The following OGDHL variants were observed in gnomAD, a reference collection of about 807,000 sequenced individuals.
OGDHL encodes oxoglutarate dehydrogenase L.
Under a neutral mutation model 109.6 loss-of-function variants are expected in OGDHL, and 79 were observed. The ratio of observed to expected loss-of-function variants is 0.72; its 90% confidence interval spans 0.60 to 0.87. The LOEUF is 0.87. Ranked by LOEUF, OGDHL falls within the 40% of genes least tolerant of loss-of-function variation. OGDHL has a pLI of 0.00. For missense variants in OGDHL, 1,275 were observed against 1,362.2 expected (o/e 0.94, Z 1.01); for synonymous variants, 528 against 537.2 (o/e 0.98, Z 0.24).
rs568494787 is a variant in OGDHL at position 49,738,557 on chromosome 10, C to T, written c.2320-295G>A. The T allele has an allele frequency of 5.1e-4, 235 of 460,248 alleles. 1 individual carries two copies. The highest frequency in any genetic ancestry group is 6.8e-5 in the Non-Finnish European group (17 of 249,710). 28.5% of individuals were successfully genotyped at this position (460,248 alleles called of 1,614,324 possible). Reference sequence around the variant, plus strand: ...TGGAATGTCCTGGAACAGTGGCTGCCACTGACTGAGCACCTGCTGTACAGG... The same window carrying T: ...TGGAATGTCCTGGAACAGTGGCTGCTACTGACTGAGCACCTGCTGTACAGG... On this transcript the variant is annotated intron_variant, in intron 17 of 22. Coordinates refer to ENST00000374103, the MANE Select transcript of OGDHL (RefSeq NM_018245.3).
Position 49,749,931 on chromosome 10 carries a change from C to G in OGDHL, c.897-115G>C, listed in dbSNP as rs1022168206. ...ACAGCCCCTTCGTGCCCAGAGCCCT[C>G]CTCAGGCCACCCAATCACCAGGCAC... On this transcript the variant is annotated intron_variant, in intron 7 of 22. Coordinates refer to ENST00000374103, the MANE Select transcript of OGDHL (RefSeq NM_018245.3). The G allele has an allele frequency of 3.3e-5, 26 of 789,932 alleles. No individual in the cohort carries two copies. The Admixed American group carries it at 5.2e-4, about 16-fold the overall frequency. The allele number at this position is 789,932 out of a possible 1,614,324, so 48.9% of individuals were successfully genotyped here.
chr10:49,758,239 C>A (rs1391118366), intron 2 of OGDHL, 150 bp downstream of exon 2: 16 of 755,858 alleles, frequency 2.1e-5, no homozygotes, highest in Non-Finnish European at 3.4e-5. Context: ...GGGAAAGCAA[C>A]AGGCTTTGAT....
intron 15 of OGDHL, among the ~76,000 whole-genome samples, 170 bp from the exon 16 acceptor site, chr10:49,741,007 T>C (rs1328922593): frequency 6.6e-6 from 1 of 152,130 alleles, no homozygotes; most frequent in Non-Finnish European, 1.5e-5. Context: ...ACCAGAGCCA[T>C]GTGGTCCCTC....
In OGDHL at chr10:49,758,565, G is replaced by A. The variant is rs758295004; in HGVS notation, c.28C>T (p.Arg10Cys). MSQLRLLPS[R>C]LGVQAARLLA... ...AGCCTCGCAGCCTGTACCCCAAGAC[G>A]GGACGGCAGCAGCCTCAGCTGACTC... Residue 10 changes from arginine (R) to cysteine (C), a missense_variant, in exon 2 of 23, where the codon CGT (arginine) becomes TGT (cysteine). Arg to Cys is a radical substitution (Grantham distance 180, BLOSUM62 -3). Coordinates refer to ENST00000374103, the MANE Select transcript of OGDHL (RefSeq NM_018245.3). 29 of 1,613,802 alleles carry A rather than the reference G, an allele frequency of 1.8e-5. No homozygotes were observed. The highest frequency in any genetic ancestry group is 2.2e-5 in the East Asian group (1 of 44,894).
intron 17 of OGDHL, 61 bp from the exon 18 acceptor site, chr10:49,738,323 G>A (rs1213561636): frequency 6.3e-7 from 1 of 1,577,644 alleles, no homozygotes; most frequent in Non-Finnish European, 8.7e-7. Context: ...ATCTGGCCCT[G>A]CAGGGACCCC....
chr10:49,761,633 C>T (rs1040766124), intron 1 of OGDHL, among the ~76,000 whole-genome samples: 9 of 152,204 alleles, frequency 5.9e-5, no homozygotes, highest in Non-Finnish European at 1.0e-4. Context: ...CAAAGGGTCT[C>T]TCCGGTTCGG....
chr10:49,741,938 A>G (rs375364838), intron 15 of OGDHL, among the ~76,000 whole-genome samples: 8,193 of 140,904 alleles, frequency 0.058, 363 homozygotes, highest in Admixed American at 0.14. Flanking sequence ...CACACCACAA[A>G]CACAATCACA....
intron 3 of OGDHL, among the ~76,000 whole-genome samples, chr10:49,753,954 TCAAA>T (rs1395387946): frequency 1.4e-5 from 2 of 142,798 alleles, no homozygotes; most frequent in Non-Finnish European, 3.1e-5. Context: ...CTCTGGGAAA[TCAAA>T]CAAGCCATTG....
rs544942816 is a variant in OGDHL, at chr10:49,739,744, C to T, written c.2236G>A (p.Asp746Asn). 26 of 1,614,094 alleles carry T rather than the reference C, an allele frequency of 1.6e-5. No individual in the cohort carries two copies. The East Asian group carries it at 2.7e-4, about 17-fold the overall frequency. ...DFHNTAQCII[D>N]QFISTGQAKW... ...GCCTGGCCGGTGCTGATGAACTGGT[C>T]GATGATGCACTGGGCCGTGTTGTGG... The change falls in exon 17 of 23, where the codon GAC becomes AAC. Residue 746 changes from aspartate to asparagine, a missense_variant. By Grantham distance (23) the Asp-to-Asn change is conservative (BLOSUM62 1). Transcript: ENST00000374103.
At chr10:49,758,714 G>T in intron 1 of OGDHL, 121 bp from the exon 2 acceptor site, 1 of 991,128 alleles carries the variant, frequency 1.0e-6, no homozygotes, top group Non-Finnish European at 1.5e-6. Context: ...TGCTGGGCTA[G>T]GCAGTGATGA....
intron 16 of OGDHL, 93 bp downstream of exon 16, chr10:49,740,617 C>A: frequency 1.4e-6 from 2 of 1,465,188 alleles, no homozygotes; most frequent in Non-Finnish European, 1.8e-6. Context: ...CATCTCTCGC[C>A]CCTCCCAGGC....
Position 49,747,033 on chromosome 10 carries a change from T to C in OGDHL, c.1163A>G (p.Lys388Arg). 2 of 1,613,900 alleles carry C rather than the reference T, an allele frequency of 1.2e-6. No individual in the cohort carries two copies. Among genetic ancestry groups the C allele is most frequent in the Non-Finnish European group, 1.7e-6 (2 of 1,179,798 alleles). Residue 388 changes from lysine to arginine, a missense_variant, in exon 9 of 23, where the codon AAG (lysine) becomes AGG (arginine). Coordinates refer to ENST00000374103, the MANE Select transcript of OGDHL (RefSeq NM_018245.3). The stretch of plus-strand genomic sequence containing the variant: ...GGTTCCCCCAGGTGAGCTCACCTTC[T>C]TGCCCTGGGCATCTCCACGGTAGAA... ...EQFYRGDAQG[K>R]KVMSILVHGD... is the part of the protein sequence containing the mutation.
Position 49,762,289 on chromosome 10 carries a change from C to G in OGDHL, c.-52G>C, listed in dbSNP as rs983961495. 6.6e-6 allele frequency: 1 copy of G among 152,098 alleles called. No homozygotes were observed. The highest frequency in any genetic ancestry group is 1.5e-5 in the Non-Finnish European group (1 of 67,994). The allele number at this position is 152,098 out of a possible 1,614,324, so 9.4% of individuals were successfully genotyped here. A position where few individuals can be genotyped will look rare whatever the true frequency, so the allele number is the denominator to read the frequency against. ...GCAGCGAGGTCCGGAGGCTGCAGGT[C>G]AGGGGGCTGCGCGGAAGGGGTGCGC... On this transcript the variant is annotated 5_prime_UTR_variant, in exon 1 of 23. Coordinates refer to ENST00000374103, the MANE Select transcript of OGDHL (RefSeq NM_018245.3).
intron 10 of OGDHL, 89 bp from the exon 11 acceptor site, chr10:49,746,066 C>A (rs1322504323): frequency 5.5e-6 from 8 of 1,449,394 alleles, no homozygotes; most frequent in Non-Finnish European, 6.5e-6. Flanking sequence ...CAGGGGGATG[C>A]TCAAGGTCCA....
At position 49,752,156 on chromosome 10, in the gene OGDHL, G is replaced by C. The variant is rs760764163; in HGVS notation, c.571C>G (p.Arg191Gly). The change falls in exon 5 of 23, where the codon CGG (arginine) becomes GGG (glycine). Residue 191 changes from arginine (R) to glycine (G), a missense_variant. Arg to Gly is a moderately radical substitution (Grantham distance 125). Coordinates refer to ENST00000374103, the MANE Select transcript of OGDHL (RefSeq NM_018245.3). Reference sequence around the variant, plus strand: ...ACCTCCAGGCGCCGAATGATCTCCCGCAGAGAGAGGGTGTTTTCAGAGCCC... The same window carrying C: ...ACCTCCAGGCGCCGAATGATCTCCCCCAGAGAGAGGGTGTTTTCAGAGCCC... ...IGGSENTLSL[R>G]EIIRRLENTY... 2 of 1,613,908 alleles carry C rather than the reference G, an allele frequency of 1.2e-6. No individual in the cohort carries two copies. The highest frequency in any genetic ancestry group is 8.5e-7 in the Non-Finnish European group (1 of 1,179,990).
chr10:49,753,107 A>G lies in OGDHL; in HGVS notation c.376-367T>C, dbSNP rs1228799249. On this transcript the variant is annotated intron_variant, in intron 3 of 22. Transcript: ENST00000374103. ...CACAGCGGAGCACTCCAGAGCCATT[A>G]AAAGGAAGAAGAAAAATCCCCATCT... is the stretch of plus-strand genomic sequence containing the variant. 4.5e-4 allele frequency among the ~76,000 whole-genome samples: 69 copies of G among 152,270 alleles called. 1 individual carries two copies. The highest frequency in any genetic ancestry group is 4.5e-3 in the Admixed American group (69 of 15,292).
intron 2 of OGDHL, 125 bp from the exon 3 acceptor site, chr10:49,757,071 G>A: frequency 5.4e-6 from 5 of 917,564 alleles, no homozygotes; most frequent in Non-Finnish European, 6.4e-6. Context: ...GGCCTTCCCA[G>A]GGTGCCTAGA....
intron 3 of OGDHL, among the ~76,000 whole-genome samples, chr10:49,755,084 A>G (rs950668251): frequency 2.0e-5 from 3 of 152,190 alleles, no homozygotes; most frequent in African/African-American, 7.2e-5. Flanking sequence ...TCTCCACTGA[A>G]AACACAAAAA....
chr10:49,740,929 A>G (rs1392430266), intron 15 of OGDHL, 92 bp from the exon 16 acceptor site: 1 of 1,520,178 alleles, frequency 6.6e-7, no homozygotes, highest in East Asian at 2.3e-5. Context: ...GGAGGCAGGC[A>G]AGCCTCCGTC....
Sources: gnomAD v4.1 joint callset for allele counts (sites outside exome capture counted in the v4.1 genomes callset) on GRCh38, gnomAD v4.1.1 for gene constraint, MANE v1.5 for transcripts, NCBI Gene and HGNC (gene_info 2026-07-23, HGNC 2026-07-21) for gene names.